The following COL6A5 variants were observed in gnomAD, a reference collection of about 807,000 sequenced individuals.
COL6A5 encodes the protein collagen alpha-5(VI) chain.
A neutral mutation model predicts 65.6 loss-of-function variants in COL6A5; 48 were observed. The observed-to-expected ratio is 0.73, with a 90% CI of 0.58 to 0.93. The LOEUF is 0.93. Among genes scored for constraint, COL6A5 ranks in the 40% least tolerant of loss-of-function variants. The probability of loss-of-function intolerance (pLI) is 0.00; values close to 1 mark genes in which losing one functional copy is unlikely to be tolerated. For synonymous variants in COL6A5, 291 were observed against 322.8 expected (o/e 0.90, Z 1.05); for missense variants, 914 against 928.3 (o/e 0.98, Z 0.20).
intron 5 of COL6A5, 138 bp from the exon 6 acceptor site, chr3:130,388,442 C>T: frequency 4.1e-6 from 3 of 732,664 alleles, no homozygotes; most frequent in Non-Finnish European, 6.3e-6. Flanking sequence ...GAAGCAAATA[C>T]AATTTTCAAA....
At position 130,444,373 on chromosome 3, in the gene COL6A5, A is replaced by C. The variant is rs557318022; in HGVS notation, c.1332+807A>C. Among the ~76,000 whole-genome samples, 442 of 152,172 alleles carry C rather than the reference A, an allele frequency of 2.9e-3. 7 individuals are homozygous for C. The highest frequency in any genetic ancestry group is 3.5e-3 in the East Asian group (18 of 5,174). On this transcript the variant is annotated intron_variant, in intron 4 of 7. Coordinates refer to ENST00000512836, the Ensembl canonical transcript of COL6A5. ...GAAATCACAAGGGTATTGATTGGGGAAGTGAGAAGTGTCCATGAAATCTTC... is the reference window on the plus strand; with the variant it reads ...GAAATCACAAGGGTATTGATTGGGGCAGTGAGAAGTGTCCATGAAATCTTC...
intron 1 of COL6A5, among the ~76,000 whole-genome samples, chr3:130,363,004 T>C (rs1391311237): frequency 6.6e-6 from 1 of 152,232 alleles, no homozygotes; most frequent in Non-Finnish European, 1.5e-5. Flanking sequence ...TAAACCATTA[T>C]AGTGATTATT....
chr3:130,475,837 A>G (rs1280184641), intron 7 of COL6A5, among the ~76,000 whole-genome samples: 2 of 152,132 alleles, frequency 1.3e-5, no homozygotes, highest in African/African-American at 4.8e-5. Flanking sequence ...CATACCCATT[A>G]TCTCATTGGA....
chr3:130,431,703 T>C, exon 1 of COL6A5: 1 of 1,551,552 alleles, frequency 6.4e-7, no homozygotes, highest in African/African-American at 1.4e-5. Context: ...TCCAGCAGCT[T>C]TCCCAAATAA....
chr3:130,399,746 GAT>G (rs10549800), intron 10 of COL6A5, among the ~76,000 whole-genome samples: 144,958 of 149,310 alleles, frequency 0.97, 70,423 homozygotes, highest in Non-Finnish European at 0.99. Flanking sequence ...CCTGTAATGA[GAT>G]ATATATATAT....
Position 130,443,945 on chromosome 3 carries a change from T to C in COL6A5, c.1332+379T>C, listed in dbSNP as rs144793359. On this transcript the variant is annotated intron_variant, in intron 4 of 7. Coordinates refer to ENST00000512836, the Ensembl canonical transcript of COL6A5. The stretch of plus-strand genomic sequence containing the variant: ...GTGAATTATTCCATTTCACACTGCC[T>C]GGGACTCTTGCTCCATTCGGTGAAA... 6.0e-3 allele frequency among the ~76,000 whole-genome samples: 915 copies of C among 152,276 alleles called. 6 individuals carry two copies. The highest frequency in any genetic ancestry group is 0.02 in the African/African-American group (845 of 41,556).
intron 2 of COL6A5, among the ~76,000 whole-genome samples, chr3:130,375,973 A>G (rs1935754710): frequency 6.6e-6 from 1 of 152,144 alleles, no homozygotes; most frequent in African/African-American, 2.4e-5. Context: ...AGTTGGTACA[A>G]TATCAGAGTT....
intron 4 of COL6A5, among the ~76,000 whole-genome samples, chr3:130,445,359 A>C (rs1437782698): frequency 1.3e-5 from 2 of 152,206 alleles, no homozygotes; most frequent in African/African-American, 4.8e-5. Context: ...TGGAGTCAAA[A>C]TGGGAGTTAA....
exon 13 of COL6A5, chr3:130,403,660 C>T (rs1476357129): frequency 6.5e-7 from 1 of 1,549,854 alleles, no homozygotes; most frequent in African/African-American, 1.4e-5. Context: ...GGATGGAAAC[C>T]CTGTAAGTTT....
At chr3:130,375,754 A>G (rs904797952) in intron 2 of COL6A5, among the ~76,000 whole-genome samples, 2 of 152,122 alleles carry the variant, frequency 1.3e-5, no homozygotes, top group Admixed American at 1.3e-4. Flanking sequence ...ACATGGTAGC[A>G]GTAGAGAGAA....
At chr3:130,412,255 G>A (rs1175288422) in intron 20 of COL6A5, among the ~76,000 whole-genome samples, 1 of 152,074 alleles carries the variant, frequency 6.6e-6, no homozygotes, top group East Asian at 1.9e-4. Context: ...ATACCTGTGA[G>A]GTAGATACTA....
chr3:130,458,348 T>C (rs1466067096), intron 5 of COL6A5, among the ~76,000 whole-genome samples: 1 of 152,078 alleles, frequency 6.6e-6, no homozygotes, highest in African/African-American at 2.4e-5. Context: ...TTATAACCAT[T>C]GTAGGTAATA....
intron 4 of COL6A5, among the ~76,000 whole-genome samples, 167 bp from the exon 37 acceptor site, chr3:130,455,288 A>G (rs1449631150): frequency 2.0e-5 from 3 of 152,144 alleles, no homozygotes; most frequent in Non-Finnish European, 2.9e-5. Context: ...TTAAAAAATA[A>G]TATGTATAAT....
chr3:130,405,882 G>A (rs1936970770), intron 14 of COL6A5, 111 bp from the exon 15 acceptor site: 1 of 1,102,448 alleles, frequency 9.1e-7, no homozygotes. Context: ...CTTTGTAGAT[G>A]TATAGCCCGA....
In COL6A5 at chr3:130,426,252, A is replaced by G. The variant is rs1434197962; in HGVS notation, c.5199+3A>G. The G allele has an allele frequency of 2.6e-6, 4 of 1,551,252 alleles. No homozygotes were observed. The highest frequency in any genetic ancestry group is 2.7e-5 in the African/African-American group (2 of 73,036). On this transcript the variant is annotated splice_donor_region_variant and intron_variant and NMD_transcript_variant, in intron 30 of 41. Coordinates refer to the COL6A5 transcript ENST00000312481. Reference sequence around the variant, plus strand: ...TGGCAGGGCAGCCTGTATATTCTGTATGTATCTCCTTATTCATGAAAGAAA... The same window carrying G: ...TGGCAGGGCAGCCTGTATATTCTGTGTGTATCTCCTTATTCATGAAAGAAA...
At chr3:130,376,434 G>C in exon 3 of COL6A5, 1 of 1,612,910 alleles carries the variant, frequency 6.2e-7, no homozygotes, top group Non-Finnish European at 8.5e-7. Flanking sequence ...CACCTTCAAA[G>C]GCAGAAGCCC....
chr3:130,447,523 T>G (rs542035647), intron 4 of COL6A5, among the ~76,000 whole-genome samples: 4 of 152,246 alleles, frequency 2.6e-5, no homozygotes, highest in African/African-American at 9.6e-5. Context: ...ACAGTCGACT[T>G]TATGGTTACC....
At chr3:130,373,821 T>C in intron 2 of COL6A5, 116 bp downstream of exon 2, 1 of 694,968 alleles carries the variant, frequency 1.4e-6, no homozygotes. Context: ...CAGCATTTAG[T>C]AATTGTTATA....
At chr3:130,400,172 C>G (rs982234081) in intron 10 of COL6A5, among the ~76,000 whole-genome samples, 3 of 152,150 alleles carry the variant, frequency 2.0e-5, no homozygotes, top group Admixed American at 6.5e-5. Flanking sequence ...TTTCCATTGG[C>G]CAACTTACAT....
Sources: allele counts gnomAD v4.1 joint callset (sites outside exome capture counted in the v4.1 genomes callset), GRCh38; gene constraint gnomAD v4.1.1; transcripts MANE v1.5; gene names NCBI Gene and HGNC (gene_info 2026-07-23, HGNC 2026-07-21).